ATRNL1: variants seen among roughly 807,000 people sequenced by gnomAD.
The protein encoded by ATRNL1 is attractin-like protein 1.
Under a neutral mutation model 182.7 loss-of-function variants are expected in ATRNL1, and 95 were observed. That is an observed-to-expected ratio of 0.52 (90% CI 0.44 to 0.62). ATRNL1 has a LOEUF of 0.62. ATRNL1 is among the 20% of genes least tolerant of loss of function. The probability of loss-of-function intolerance (pLI) is 0.00; values close to 1 mark genes in which losing one functional copy is unlikely to be tolerated. For synonymous variants in ATRNL1, 576 were observed against 568.3 expected (o/e 1.01, Z -0.19); for missense variants, 1,471 against 1,679.5 (o/e 0.88, Z 2.17).
chr10:115,869,497 G>A (rs938355394), intron 28 of ATRNL1, among the ~76,000 whole-genome samples: 5 of 152,194 alleles, frequency 3.3e-5, no homozygotes, highest in African/African-American at 1.2e-4. Flanking sequence ...GTGGAAGAGG[G>A]GCCAGGGGTG....
rs967049247 is a variant in ATRNL1 at position 115,368,195 on chromosome 10, C to T, written c.3176-26464C>T. Among the ~76,000 whole-genome samples the T allele has an allele frequency of 2.6e-5, 4 of 152,218 alleles. No homozygotes were observed. The East Asian group carries it at 7.7e-4, about 29-fold the overall frequency. On this transcript the variant is annotated intron_variant, in intron 19 of 28. Coordinates refer to ENST00000355044, the MANE Select transcript of ATRNL1 (RefSeq NM_207303.4). ...CAGCGAGACTCCGTGGGCGTAGGACCCTCTGAGCCAGGTGCGGGATATAAT... is the reference window on the plus strand; with the variant it reads ...CAGCGAGACTCCGTGGGCGTAGGACTCTCTGAGCCAGGTGCGGGATATAAT...
intron 24 of ATRNL1, among the ~76,000 whole-genome samples, chr10:115,500,795 C>T (rs912051539): frequency 3.9e-5 from 6 of 152,098 alleles, no homozygotes; most frequent in South Asian, 2.1e-4. Context: ...CCTGCCTCGG[C>T]GTCCCAGAGA....
chr10:115,275,294 G>A (rs1355732755), intron 13 of ATRNL1, among the ~76,000 whole-genome samples: 1 of 152,148 alleles, frequency 6.6e-6, no homozygotes, highest in African/African-American at 2.4e-5. Context: ...TGATCATCTG[G>A]CAGTCATAAG....
chr10:115,398,847 T>C (rs1554956242), intron 20 of ATRNL1, among the ~76,000 whole-genome samples: 1 of 152,134 alleles, frequency 6.6e-6, no homozygotes, highest in African/African-American at 2.4e-5. Flanking sequence ...GGGTTTGTTA[T>C]AGATGGCTCT....
At chr10:115,913,292 T>A (rs1952742014) in intron 28 of ATRNL1, among the ~76,000 whole-genome samples, 1 of 152,112 alleles carries the variant, frequency 6.6e-6, no homozygotes, top group Non-Finnish European at 1.5e-5. Context: ...CAGTCCTGAG[T>A]CCTTTGATCA....
intron 27 of ATRNL1, among the ~76,000 whole-genome samples, chr10:115,846,698 T>C (rs1565431239): frequency 6.6e-6 from 1 of 152,074 alleles, no homozygotes; most frequent in East Asian, 1.9e-4. Flanking sequence ...ATTTCATATG[T>C]GGATTTGTGT....
intron 8 of ATRNL1, among the ~76,000 whole-genome samples, chr10:115,199,643 A>C (rs1848485294): frequency 1.3e-5 from 2 of 152,126 alleles, no homozygotes; most frequent in Non-Finnish European, 2.9e-5. Context: ...ATCTGTGTAG[A>C]TAATGTAGGG....
intron 9 of ATRNL1, among the ~76,000 whole-genome samples, chr10:115,234,701 T>C (rs1329470559): frequency 6.6e-6 from 1 of 150,776 alleles, no homozygotes; most frequent in Non-Finnish European, 1.5e-5. Context: ...AGCGATCCTC[T>C]CACTTTAGAC....
chr10:115,631,592 T>C (rs1319958526), intron 26 of ATRNL1, among the ~76,000 whole-genome samples: 1 of 152,118 alleles, frequency 6.6e-6, no homozygotes, highest in Non-Finnish European at 1.5e-5. Context: ...AACTCAACAG[T>C]AACATAATTA....
chr10:115,871,475 G>GTATATATATATATATA (rs1951582768), intron 28 of ATRNL1, among the ~76,000 whole-genome samples: 1 of 27,804 alleles, frequency 3.6e-5, no homozygotes, highest in Admixed American at 5.1e-4. Flanking sequence ...TTCTTTGTGT[G>GTATATATATATATATA]TGTGTATATA....
chr10:115,653,334 C>G (rs987111852), intron 26 of ATRNL1, among the ~76,000 whole-genome samples: 1 of 152,120 alleles, frequency 6.6e-6, no homozygotes, highest in Non-Finnish European at 1.5e-5. Context: ...TACTCATTAG[C>G]ATCTAGTACA....
intron 9 of ATRNL1, among the ~76,000 whole-genome samples, chr10:115,235,176 GTCATA>G (rs1850126977): frequency 6.6e-6 from 1 of 152,128 alleles, no homozygotes; most frequent in Non-Finnish European, 1.5e-5. Context: ...ATACCAAAAT[GTCATA>G]TTCTTCTCCC....
chr10:115,413,872 G>T (rs1301799849), intron 20 of ATRNL1, among the ~76,000 whole-genome samples: 1 of 151,846 alleles, frequency 6.6e-6, no homozygotes, highest in Non-Finnish European at 1.5e-5. Flanking sequence ...TACTTAGTGG[G>T]TTGTTTGGTG....
At chr10:115,327,863 C>G (rs1854993012) in intron 18 of ATRNL1, among the ~76,000 whole-genome samples, 1 of 151,724 alleles carries the variant, frequency 6.6e-6, no homozygotes, top group Non-Finnish European at 1.5e-5. Flanking sequence ...CATATTCTCA[C>G]TCATAGGTGG....
At chr10:115,918,910 T>G (rs1952960604) in intron 28 of ATRNL1, among the ~76,000 whole-genome samples, 1 of 152,210 alleles carries the variant, frequency 6.6e-6, no homozygotes, top group Admixed American at 6.5e-5. Context: ...TGCAAATTCT[T>G]TCACATTATA....
intron 28 of ATRNL1, among the ~76,000 whole-genome samples, chr10:115,877,290 A>G (rs1951722299): frequency 6.6e-6 from 1 of 152,218 alleles, no homozygotes; most frequent in African/African-American, 2.4e-5. Context: ...GCAAATCAGT[A>G]TCTAAAGCCT....
At chr10:115,825,293 C>G (rs569520623) in intron 27 of ATRNL1, among the ~76,000 whole-genome samples, 56 of 152,020 alleles carry the variant, frequency 3.7e-4, no homozygotes, top group African/African-American at 1.3e-3. Context: ...GGTTGGGGGA[C>G]TAGGGGAGAG....
chr10:115,836,298 A>G (rs2134324473), intron 27 of ATRNL1, among the ~76,000 whole-genome samples: 1 of 152,278 alleles, frequency 6.6e-6, no homozygotes, highest in Admixed American at 6.5e-5. Context: ...ACCGTATTAT[A>G]CTTATGATCA....
intron 17 of ATRNL1, among the ~76,000 whole-genome samples, chr10:115,306,213 TC>T (rs2133989774): frequency 6.6e-6 from 1 of 152,316 alleles, no homozygotes; most frequent in African/African-American, 2.4e-5. Flanking sequence ...TTTAGTAATT[TC>T]TTTCAAATAA....
Sources: allele counts gnomAD v4.1 joint callset (sites outside exome capture counted in the v4.1 genomes callset), GRCh38; gene constraint gnomAD v4.1.1; transcripts MANE v1.5; gene names NCBI Gene and HGNC (gene_info 2026-07-23, HGNC 2026-07-21).